The following SCHIP1 variants were observed in gnomAD, a reference collection of about 807,000 sequenced individuals.
SCHIP1 encodes schwannomin-interacting protein 1.
Under a neutral mutation model 29.7 loss-of-function variants are expected in SCHIP1, and 8 were observed. That is an observed-to-expected ratio of 0.27 (90% confidence interval 0.16 to 0.49). The LOEUF (loss-of-function observed/expected upper bound fraction) is 0.49, where lower values mean the gene tolerates loss of function less well. SCHIP1 is among the 20% of genes least tolerant of loss of function. The pLI, the probability that SCHIP1 is intolerant of heterozygous loss-of-function variation, is 0.99. For missense variants in SCHIP1, 193 were observed against 294.6 expected, an observed-to-expected ratio of 0.66 and a Z score of 2.52; for synonymous variants, 76 against 94.9, an observed-to-expected ratio of 0.80 and a Z score of 1.16.
At chr3:159,839,374 TA>T (rs1196374172), upstream of SCHIP1, among the ~76,000 whole-genome samples, 6 of 152,056 alleles carry the variant, frequency 3.9e-5, no homozygotes, top group Non-Finnish European at 7.4e-5. Context: ...GCTCTCTCCC[TA>T]AAAAAACTTA....
chr3:159,546,181 G>A, the SCHIP1 span, among the ~76,000 whole-genome samples: 1 of 151,950 alleles, frequency 6.6e-6, no homozygotes, highest in African/African-American at 2.4e-5. Context: ...AATAATCATA[G>A]TTTTATTTCT....
chr3:159,598,428 G>C, the SCHIP1 span, among the ~76,000 whole-genome samples: 1 of 152,198 alleles, frequency 6.6e-6, no homozygotes, highest in East Asian at 1.9e-4. Context: ...TTCCAAATGG[G>C]AGAAGTTGGC....
chr3:159,780,467 A>G, the SCHIP1 span, among the ~76,000 whole-genome samples: 3 of 152,222 alleles, frequency 2.0e-5, no homozygotes, highest in African/African-American at 4.8e-5. Flanking sequence ...AAGACCCAGT[A>G]TTAATAAATA....
At chr3:159,501,913 C>T in the SCHIP1 span, among the ~76,000 whole-genome samples, 1 of 152,096 alleles carries the variant, frequency 6.6e-6, no homozygotes, top group East Asian at 1.9e-4. Flanking sequence ...GAGAATCTGA[C>T]CTGTTCATAG....
At chr3:159,756,345 C>T in the SCHIP1 span, among the ~76,000 whole-genome samples, 112 of 152,364 alleles carry the variant, frequency 7.4e-4, no homozygotes, top group Middle Eastern at 0.01. Flanking sequence ...AGGCTTGGGG[C>T]TTGCACCCTC....
the SCHIP1 span, among the ~76,000 whole-genome samples, chr3:159,554,026 A>ATGTG: frequency 1.8e-5 from 2 of 114,042 alleles, no homozygotes; most frequent in South Asian, 2.9e-4. Flanking sequence ...GTGTTTGTGT[A>ATGTG]TGTGTGTGTG....
the SCHIP1 span, among the ~76,000 whole-genome samples, chr3:159,359,352 C>T: frequency 2.0e-5 from 3 of 152,188 alleles, no homozygotes; most frequent in African/African-American, 4.8e-5. Flanking sequence ...TGACCCCTTA[C>T]ATTTAATGGG....
the SCHIP1 span, among the ~76,000 whole-genome samples, chr3:159,495,232 A>G: frequency 6.6e-6 from 1 of 152,224 alleles, no homozygotes. Flanking sequence ...CTCCTATTCA[A>G]CCTAGTGCTG....
chr3:159,679,696 C>G, the SCHIP1 span, among the ~76,000 whole-genome samples: 1 of 152,282 alleles, frequency 6.6e-6, no homozygotes, highest in African/African-American at 2.4e-5. Flanking sequence ...GCACAGGGCT[C>G]TGGAGAAGCT....
At chr3:159,300,230 ATCC>A in the SCHIP1 span, among the ~76,000 whole-genome samples, 2 of 149,552 alleles carry the variant, frequency 1.3e-5, no homozygotes, top group Non-Finnish European at 1.5e-5. Flanking sequence ...GACTCAAGGA[ATCC>A]TCCTATCTTA....
the SCHIP1 span, among the ~76,000 whole-genome samples, chr3:159,425,809 A>C: frequency 5.0e-3 from 762 of 152,314 alleles, 9 homozygotes; most frequent in African/African-American, 0.017. Context: ...TCTCCTCAGC[A>C]AATGTAAAAG....
the SCHIP1 span, among the ~76,000 whole-genome samples, chr3:159,549,125 T>C: frequency 1.3e-5 from 2 of 152,190 alleles, no homozygotes; most frequent in Admixed American, 1.3e-4. Context: ...CTTTTATCAT[T>C]AGCTGTAGTC....
the SCHIP1 span, among the ~76,000 whole-genome samples, chr3:159,415,026 C>T: frequency 6.6e-6 from 1 of 152,106 alleles, no homozygotes; most frequent in East Asian, 1.9e-4. Context: ...TGATTATAGC[C>T]TATGTTTTCT....
the SCHIP1 span, among the ~76,000 whole-genome samples, chr3:159,677,998 G>T: frequency 1.3e-5 from 2 of 152,288 alleles, no homozygotes; most frequent in South Asian, 4.1e-4. Context: ...CATTGTGCTT[G>T]GCCTCAAGCC....
the SCHIP1 span, among the ~76,000 whole-genome samples, chr3:159,562,259 G>T: frequency 3.2e-3 from 493 of 152,256 alleles, 2 homozygotes; most frequent in African/African-American, 0.011. Flanking sequence ...TTTCATTAAA[G>T]AATTTAAATC....
At chr3:159,499,077 T>C in the SCHIP1 span, among the ~76,000 whole-genome samples, 1 of 152,192 alleles carries the variant, frequency 6.6e-6, no homozygotes, top group African/African-American at 2.4e-5. Flanking sequence ...CCCACCCCCA[T>C]TAACACCTTT....
the SCHIP1 span, among the ~76,000 whole-genome samples, chr3:159,469,975 A>T: frequency 6.6e-6 from 1 of 152,194 alleles, no homozygotes; most frequent in South Asian, 2.1e-4. Context: ...TCATTCTAGT[A>T]ATGCAAAGAT....
chr3:159,785,456 A>C, the SCHIP1 span, among the ~76,000 whole-genome samples: 1 of 152,202 alleles, frequency 6.6e-6, no homozygotes, highest in Non-Finnish European at 1.5e-5. Flanking sequence ...TACATAACTG[A>C]ACAGTGATTA....
chr3:159,778,488 C>T, the SCHIP1 span, among the ~76,000 whole-genome samples: 1 of 152,140 alleles, frequency 6.6e-6, no homozygotes. Context: ...TTACCCAATA[C>T]TATCACCTAA....
Sources: allele counts gnomAD v4.1 joint callset (sites outside exome capture counted in the v4.1 genomes callset), GRCh38; gene constraint gnomAD v4.1.1; transcripts MANE v1.5; gene names NCBI Gene and HGNC (gene_info 2026-07-23, HGNC 2026-07-21).